THOC7: variants seen among roughly 807,000 people sequenced by gnomAD.
The protein encoded by THOC7 is THO complex subunit 7, also known as NIF3L1-binding protein 1.
Under a neutral mutation model 33.1 loss-of-function variants are expected in THOC7, and 22 were observed. The ratio of observed to expected loss-of-function variants is 0.66; its 90% CI spans 0.47 to 0.95. The LOEUF is 0.95. Among genes scored for constraint, THOC7 ranks in the 40% least tolerant of loss-of-function variants. The pLI, the probability that THOC7 is intolerant of heterozygous loss-of-function variation, is 0.00. For missense variants in THOC7, 184 were observed against 245.3 expected, an observed-to-expected ratio of 0.75 and a Z score of 1.67; for synonymous variants, 77 against 76.8, an observed-to-expected ratio of 1.00 and a Z score of -0.01.
At chr3:63,856,981 G>C (rs1272062108) in intron 1 of THOC7, among the ~76,000 whole-genome samples, 1 of 152,170 alleles carries the variant, frequency 6.6e-6, no homozygotes, top group Non-Finnish European at 1.5e-5. Context: ...GCCTCCCCAA[G>C]TGCTGGGATT....
chr3:63,841,014 A>T (rs1252654540), intron 1 of THOC7, among the ~76,000 whole-genome samples: 1 of 152,244 alleles, frequency 6.6e-6, no homozygotes, highest in Non-Finnish European at 1.5e-5. Flanking sequence ...TAGTAGAAAG[A>T]TTGCAAACCT....
intron 1 of THOC7, 99 bp from the exon 2 acceptor site, chr3:63,839,872 T>C: frequency 3.0e-6 from 3 of 989,556 alleles, no homozygotes; most frequent in South Asian, 1.4e-5. Context: ...AAGAAAATTA[T>C]TGAAATGTAA....
intron 1 of THOC7, among the ~76,000 whole-genome samples, chr3:63,841,366 G>A (rs1046404237): frequency 6.6e-6 from 1 of 152,104 alleles, no homozygotes; most frequent in Non-Finnish European, 1.5e-5. Flanking sequence ...GTAGAATTTG[G>A]GGGGTTTTCT....
At chr3:63,852,120 A>G (rs1702031176) in intron 1 of THOC7, among the ~76,000 whole-genome samples, 1 of 152,216 alleles carries the variant, frequency 6.6e-6, no homozygotes, top group Admixed American at 6.5e-5. Context: ...ATACAGCCAT[A>G]AAACTTGGTA....
rs1559602071 is a variant in THOC7, at chr3:63,836,303, T to C, written c.408A>G (p.Leu136=). Reference sequence around the variant, plus strand: ...TCAAAGTAAAGCTCTACACTTACTTTAATGTCTCATGCCTGTCTGGATGGT... The same window carrying C: ...TCAAAGTAAAGCTCTACACTTACTTCAATGTCTCATGCCTGTCTGGATGGT... ...IQHHPDRHET[L]KELEALGKEL... The change falls in exon 5 of 8, where the codon TTA becomes TTG. Residue 136 remains leucine (L), a splice_region_variant and synonymous_variant. Transcript: ENST00000295899. The C allele has an allele frequency of 4.3e-6, 7 of 1,612,524 alleles. No individual in the cohort carries two copies. Among genetic ancestry groups the C allele is most frequent in the Non-Finnish European group, 5.9e-6 (7 of 1,179,020 alleles).
intron 1 of THOC7, among the ~76,000 whole-genome samples, chr3:63,840,488 G>A (rs1254390352): frequency 1.3e-5 from 2 of 152,160 alleles, no homozygotes; most frequent in African/African-American, 4.8e-5. Flanking sequence ...TAACTTGGGA[G>A]GCTGAGGTAG....
intron 1 of THOC7, among the ~76,000 whole-genome samples, chr3:63,852,160 T>G (rs976449485): frequency 1.3e-5 from 2 of 152,224 alleles, no homozygotes; most frequent in African/African-American, 4.8e-5. Flanking sequence ...TCTGCAGGCA[T>G]GCAGAATGCA....
At chr3:63,842,322 G>C (rs1559604466) in intron 1 of THOC7, among the ~76,000 whole-genome samples, 1 of 152,186 alleles carries the variant, frequency 6.6e-6, no homozygotes, top group South Asian at 2.1e-4. Context: ...ACAAGTGTTG[G>C]TGAGGATGTG....
chr3:63,858,967 G>A (rs781567506), intron 1 of THOC7, among the ~76,000 whole-genome samples: 1 of 152,176 alleles, frequency 6.6e-6, no homozygotes, highest in Non-Finnish European at 1.5e-5. Flanking sequence ...TGGATACGCA[G>A]ACCCAGAGGA....
intron 1 of THOC7, among the ~76,000 whole-genome samples, chr3:63,855,819 G>GAT (rs1349091142): frequency 2.0e-5 from 3 of 152,188 alleles, no homozygotes; most frequent in African/African-American, 7.2e-5. Context: ...TACCAGTGAG[G>GAT]ATTAGCATTT....
At chr3:63,834,327 T>A in intron 7 of THOC7, 128 bp from the exon 8 acceptor site, 1 of 851,002 alleles carries the variant, frequency 1.2e-6, no homozygotes, top group Non-Finnish European at 1.8e-6. Context: ...ACTAGTTGAA[T>A]CAAACTTTAA....
intron 1 of THOC7, chr3:63,846,095 T>C (rs546512597): frequency 2.2e-4 from 70 of 324,282 alleles, no homozygotes; most frequent in African/African-American, 1.4e-3. Context: ...ATGGAAGATA[T>C]TCCCTTACCA....
intron 1 of THOC7, chr3:63,860,729 TTC>T (rs963940468): frequency 6.6e-6 from 1 of 152,228 alleles, no homozygotes; most frequent in African/African-American, 2.4e-5. Context: ...AATCTCAATG[TTC>T]TTTTTGTCTT....
chr3:63,844,809 A>G (rs1013001495), intron 1 of THOC7, among the ~76,000 whole-genome samples: 8 of 152,222 alleles, frequency 5.3e-5, no homozygotes, highest in Non-Finnish European at 1.0e-4. Flanking sequence ...CTCTAGAACC[A>G]TAAGTCAAAT....
rs762436558 is a variant in THOC7, at chr3:63,836,382, C to CA, written c.353-25dup. On this transcript the variant is annotated intron_variant, in intron 4 of 7. Transcript: ENST00000295899. ...TTCTGTAAGACATAAAAATATTTAT[C>CA]AAACTAAGGATTTTTTGAATGTGAA... The CA allele has an allele frequency of 8.1e-6, 13 of 1,607,344 alleles. No homozygotes were observed. In the East Asian group the frequency reaches 2.5e-4, roughly 30 times the overall value.
chr3:63,837,891 G>T, intron 4 of THOC7, 85 bp downstream of exon 4: 1 of 1,258,090 alleles, frequency 7.9e-7, no homozygotes, highest in Non-Finnish European at 1.1e-6. Flanking sequence ...TCAGGCTGCA[G>T]ATTTTACCTC....
chr3:63,863,806 G>GGCGGCGGCC, upstream of THOC7: 1 of 1,108,454 alleles, frequency 9.0e-7, no homozygotes, highest in East Asian at 3.3e-5. Flanking sequence ...GCGCGGCGGC[G>GGCGGCGGCC]GCGGCGGCGG....
chr3:63,848,945 C>A (rs1701964783), intron 1 of THOC7, among the ~76,000 whole-genome samples: 1 of 152,164 alleles, frequency 6.6e-6, no homozygotes, highest in African/African-American at 2.4e-5. Flanking sequence ...AATTTGGAAA[C>A]TATTTGTTAG....
chr3:63,839,508 G>A, intron 2 of THOC7, 148 bp downstream of exon 2: 1 of 724,734 alleles, frequency 1.4e-6, no homozygotes, highest in Non-Finnish European at 2.4e-6. Context: ...AGAAGAAAAG[G>A]CCAAGAAAAT....
Sources: allele counts gnomAD v4.1 joint callset (sites outside exome capture counted in the v4.1 genomes callset), GRCh38; gene constraint gnomAD v4.1.1; transcripts MANE v1.5; gene names NCBI Gene and HGNC (gene_info 2026-07-23, HGNC 2026-07-21).